The following RUNX1 variants were observed in gnomAD, a reference collection of about 807,000 sequenced individuals.
RUNX1 encodes the protein runt-related transcription factor 1.
Under a neutral mutation model 42.8 loss-of-function variants are expected in RUNX1, and 19 were observed. The observed-to-expected ratio is 0.44, with a 90% CI of 0.31 to 0.65. The LOEUF is 0.65. Ranked by LOEUF, RUNX1 falls within the 30% of genes least tolerant of loss-of-function variation. The pLI, the probability that RUNX1 is intolerant of heterozygous loss-of-function variation, is 0.07. For missense variants in RUNX1, 528 were observed against 672.0 expected (o/e 0.79, Z 2.37); for synonymous variants, 271 against 289.4 (o/e 0.94, Z 0.64).
At chr21:34,852,254 C>A (rs1329532193) in intron 6 of RUNX1, among the ~76,000 whole-genome samples, 3 of 152,116 alleles carry the variant, frequency 2.0e-5, no homozygotes, top group African/African-American at 4.8e-5. Flanking sequence ...GAAAAGTTAC[C>A]AAGAATACAC....
chr21:34,995,931 T>C (rs1326184202), intron 2 of RUNX1, among the ~76,000 whole-genome samples: 1 of 152,028 alleles, frequency 6.6e-6, no homozygotes, highest in Non-Finnish European at 1.5e-5. Context: ...TTTCTTTTTA[T>C]ACTTGGCTTT....
chr21:34,989,908 C>T (rs2834719), intron 2 of RUNX1, among the ~76,000 whole-genome samples: 37,445 of 152,034 alleles, frequency 0.25, 6,765 homozygotes, highest in African/African-American at 0.51. Context: ...TTACCTCTTA[C>T]GCTCCAAGTA....
chr21:34,927,447 T>G (rs1428813403), intron 2 of RUNX1, among the ~76,000 whole-genome samples: 1 of 152,230 alleles, frequency 6.6e-6, no homozygotes, highest in Admixed American at 6.5e-5. Flanking sequence ...TGCTTTGTCT[T>G]GGACAGATGT....
At chr21:35,048,765 C>A (rs148501005) in intron 2 of RUNX1, 77 bp downstream of exon 2, 18 of 1,238,298 alleles carry the variant, frequency 1.5e-5, no homozygotes, top group Non-Finnish European at 1.7e-5. Flanking sequence ...ATCTCTGCAC[C>A]GAGGTGAAAC....
intron 5 of RUNX1, among the ~76,000 whole-genome samples, chr21:34,873,954 C>T (rs1300431163): frequency 1.3e-5 from 2 of 152,188 alleles, no homozygotes; most frequent in African/African-American, 2.4e-5. Flanking sequence ...ACAAAACGAG[C>T]GCATGTCATA....
chr21:34,888,057 G>A, intron 3 of RUNX1: 1 of 1,066,370 alleles, frequency 9.4e-7, no homozygotes, highest in Non-Finnish European at 1.1e-6. Flanking sequence ...CCTCTGGTTT[G>A]TTGGGAGTTG....
intron 7 of RUNX1, among the ~76,000 whole-genome samples, chr21:34,817,272 T>TCC (rs1199562646): frequency 6.6e-6 from 1 of 152,198 alleles, no homozygotes; most frequent in Non-Finnish European, 1.5e-5. Flanking sequence ...TGAAAAGTTG[T>TCC]CCTTTTGTTT....
intron 2 of RUNX1, among the ~76,000 whole-genome samples, chr21:34,910,211 C>G (rs1215318887): frequency 6.6e-6 from 1 of 152,178 alleles, no homozygotes; most frequent in Non-Finnish European, 1.5e-5. Flanking sequence ...GCAGGGAAAC[C>G]ACATCCATGT....
intron 8 of RUNX1, among the ~76,000 whole-genome samples, chr21:34,793,747 A>C (rs1395864358): frequency 6.6e-6 from 1 of 151,890 alleles, no homozygotes; most frequent in Non-Finnish European, 1.5e-5. Flanking sequence ...TCTGTCACCA[A>C]GGCTGGAGTG....
At chr21:34,987,067 G>A (rs994069612) in intron 2 of RUNX1, among the ~76,000 whole-genome samples, 8 of 152,202 alleles carry the variant, frequency 5.3e-5, no homozygotes, top group Non-Finnish European at 1.0e-4. Context: ...CACCGCCCTT[G>A]CCATGACAAT....
At position 34,792,083 on chromosome 21, in the gene RUNX1, C is replaced by A; in HGVS notation, c.*52G>T. The A allele has an allele frequency of 8.4e-7, 1 of 1,188,846 alleles. No individual in the cohort carries two copies. 73.6% of individuals were successfully genotyped at this position (1,188,846 alleles called of 1,614,324 possible). A position where few individuals can be genotyped will look rare whatever the true frequency, so the allele number is the denominator to read the frequency against. ...TGTCGCGAACAGGAGGCCCGCGCGC[C>A]CGGAGGCGAAGGCGGCGGCCCGCGG... On this transcript the variant is annotated 3_prime_UTR_variant, in exon 9 of 9. Coordinates refer to ENST00000675419, the MANE Select transcript of RUNX1 (RefSeq NM_001754.5). The surrounding 1 kb of genome is among the most constrained non-coding windows in gnomAD (Gnocchi z 6.9).
At chr21:35,021,390 T>A (rs1391994265) in intron 2 of RUNX1, among the ~76,000 whole-genome samples, 1 of 152,184 alleles carries the variant, frequency 6.6e-6, no homozygotes, top group Non-Finnish European at 1.5e-5. Context: ...AGGTGCTGAT[T>A]TTTTTCTCTA....
chr21:34,983,809 G>A (rs1364178733), intron 2 of RUNX1, among the ~76,000 whole-genome samples: 1 of 152,176 alleles, frequency 6.6e-6, no homozygotes, highest in Non-Finnish European at 1.5e-5. Context: ...TGCAGAAATA[G>A]CAGAGTGGAG....
chr21:35,038,793 A>T (rs1300524605), intron 2 of RUNX1: 1 of 455,186 alleles, frequency 2.2e-6, no homozygotes, highest in Admixed American at 2.4e-5. Flanking sequence ...CCCACTTCCC[A>T]GGGCTCCTTC....
At chr21:34,971,811 C>G (rs955014088) in intron 2 of RUNX1, among the ~76,000 whole-genome samples, 1 of 152,110 alleles carries the variant, frequency 6.6e-6, no homozygotes. Flanking sequence ...ACCTCAAGCA[C>G]CACATATTTT....
At chr21:35,019,748 A>G (rs1426893520) in intron 2 of RUNX1, among the ~76,000 whole-genome samples, 1 of 152,154 alleles carries the variant, frequency 6.6e-6, no homozygotes, top group Non-Finnish European at 1.5e-5. Flanking sequence ...CTAGTTAATC[A>G]TAAACCCAAA....
chr21:34,810,312 T>C (rs1029690910), intron 7 of RUNX1, among the ~76,000 whole-genome samples: 22 of 152,262 alleles, frequency 1.4e-4, no homozygotes, highest in African/African-American at 5.3e-4. Flanking sequence ...GGCAGGCTTA[T>C]TGGATTTTAT....
At chr21:34,965,253 C>A (rs1309407399) in intron 2 of RUNX1, among the ~76,000 whole-genome samples, 1 of 151,336 alleles carries the variant, frequency 6.6e-6, no homozygotes, top group Non-Finnish European at 1.5e-5. Flanking sequence ...CACATCCACA[C>A]ATCTACACAC....
intron 2 of RUNX1, among the ~76,000 whole-genome samples, chr21:34,977,230 G>A (rs551037291): frequency 1.3e-5 from 2 of 152,280 alleles, no homozygotes; most frequent in Non-Finnish European, 1.5e-5. Flanking sequence ...TAGTCTACAC[G>A]GTGTTGAATT....
Sources: allele counts gnomAD v4.1 joint callset (sites outside exome capture counted in the v4.1 genomes callset), GRCh38; gene constraint gnomAD v4.1.1; non-coding constraint Gnocchi (gnomAD v3.1); transcripts MANE v1.5; gene names NCBI Gene and HGNC (gene_info 2026-07-23, HGNC 2026-07-21).